Variants in ST6GAL1 observed in about 807,000 individuals in gnomAD.
ST6GAL1 encodes beta-galactoside alpha-2,6-sialyltransferase 1.
Under a neutral mutation model 38.0 loss-of-function variants are expected in ST6GAL1, and 20 were observed. That is an observed-to-expected ratio of 0.53 (90% CI 0.37 to 0.77). The LOEUF (loss-of-function observed/expected upper bound fraction) is 0.77. Ranked by LOEUF, ST6GAL1 falls within the 30% of genes least tolerant of loss-of-function variation. The pLI, the probability that ST6GAL1 is intolerant of heterozygous loss-of-function variation, is 0.00. For synonymous variants in ST6GAL1, 196 were observed against 188.2 expected (o/e 1.04, Z -0.34); for missense variants, 432 against 496.4 (o/e 0.87, Z 1.23).
intron 2 of ST6GAL1, among the ~76,000 whole-genome samples, chr3:187,028,723 C>T (rs257109): frequency 0.34 from 52,167 of 151,966 alleles, 9,367 homozygotes; most frequent in Middle Eastern, 0.44. Flanking sequence ...ATTATATCTG[C>T]GAAGCCATTT....
chr3:186,935,499 A>T (rs1270944225), intron 1 of ST6GAL1, among the ~76,000 whole-genome samples: 1 of 152,136 alleles, frequency 6.6e-6, no homozygotes, highest in African/African-American at 2.4e-5. Context: ...AACAATTTAT[A>T]TTCCTTCGGG....
chr3:187,048,813 T>C (rs908115435), intron 4 of ST6GAL1, among the ~76,000 whole-genome samples: 2 of 152,178 alleles, frequency 1.3e-5, no homozygotes, highest in Non-Finnish European at 1.5e-5. Flanking sequence ...GTGCTGGATG[T>C]TCTCCAGTGG....
chr3:186,947,028 G>C (rs1292701162), intron 1 of ST6GAL1, among the ~76,000 whole-genome samples: 1 of 152,174 alleles, frequency 6.6e-6, no homozygotes. Context: ...TCTGGCCTGG[G>C]GGCAGCAGGA....
chr3:186,960,431 A>G (rs1714894846), intron 1 of ST6GAL1, among the ~76,000 whole-genome samples: 1 of 152,186 alleles, frequency 6.6e-6, no homozygotes, highest in African/African-American at 2.4e-5. Context: ...CCTCGAGAGG[A>G]AAGTAGAGAG....
chr3:187,068,741 A>T (rs60135081), intron 5 of ST6GAL1, among the ~76,000 whole-genome samples: 49,119 of 151,954 alleles, frequency 0.32, 8,536 homozygotes, highest in African/African-American at 0.45. Context: ...GACATTTTTT[A>T]AAAATCCCAG....
chr3:186,959,804 T>C (rs1171365365), intron 1 of ST6GAL1, among the ~76,000 whole-genome samples: 1 of 152,238 alleles, frequency 6.6e-6, no homozygotes, highest in East Asian at 1.9e-4. Context: ...CAATAAAAGC[T>C]CTTAGCTTAT....
At chr3:187,027,033 A>G (rs535717145) in intron 2 of ST6GAL1, among the ~76,000 whole-genome samples, 1 of 152,218 alleles carries the variant, frequency 6.6e-6, no homozygotes, top group African/African-American at 2.4e-5. Context: ...TGGGCGACAG[A>G]GGGAGACTCT....
Position 187,033,226 on chromosome 3 carries a change from CA to C in ST6GAL1, c.-182-5514del, listed in dbSNP as rs570727309. Among the ~76,000 whole-genome samples the C allele has an allele frequency of 1.8e-4, 27 of 152,296 alleles. No individual in the cohort carries two copies. The South Asian group carries it at 5.6e-3, about 32-fold the overall frequency. On this transcript the variant is annotated intron_variant, in intron 2 of 7. Coordinates refer to ENST00000169298, the MANE Select transcript of ST6GAL1 (RefSeq NM_173216.2). ...GTCAGGAGTTGAAGACCAGCCTGGC[CA>C]ACATGGTGAAACCCCATCTCTACTA...
intron 3 of ST6GAL1, among the ~76,000 whole-genome samples, chr3:187,039,980 C>T (rs1035152544): frequency 5.9e-5 from 9 of 152,202 alleles, no homozygotes; most frequent in African/African-American, 2.2e-4. Flanking sequence ...CTCTTCTTTC[C>T]TGGGAAACCA....
intron 1 of ST6GAL1, among the ~76,000 whole-genome samples, chr3:186,941,386 A>G (rs1327112223): frequency 6.6e-6 from 1 of 152,154 alleles, no homozygotes; most frequent in Non-Finnish European, 1.5e-5. Flanking sequence ...CCCTCCAGAG[A>G]GTGATAAAAT....
intron 4 of ST6GAL1, among the ~76,000 whole-genome samples, chr3:187,046,826 C>T (rs568738038): frequency 6.6e-5 from 10 of 152,344 alleles, no homozygotes; most frequent in Middle Eastern, 3.4e-3. Context: ...CACAACTACT[C>T]AACTCTGCTG....
rs375558375 is a variant in ST6GAL1, at chr3:187,008,833, G to T, written c.-182-29909G>T. On this transcript the variant is annotated intron_variant, in intron 2 of 7. Transcript: ENST00000169298. ...AAGTCTTTTTTTTCTGTGAATATGC[G>T]TTTCTCTTTTTCTTTTTTGGTTTTT... is the stretch of plus-strand genomic sequence containing the variant. 3.3e-4 allele frequency among the ~76,000 whole-genome samples: 50 copies of T among 151,942 alleles called. 1 individual carries two copies. In the East Asian group the frequency reaches 7.7e-3, roughly 23 times the overall value.
intron 5 of ST6GAL1, chr3:187,072,375 ACTGTGTTGGCTG>A (rs1719413609): frequency 9.7e-6 from 2 of 205,486 alleles, no homozygotes; most frequent in South Asian, 1.7e-4. Flanking sequence ...GCTGTGTTGG[ACTGTGTTGGCTG>A]TGTTGGACTT....
In ST6GAL1 at chr3:186,936,590, C is replaced by T. The variant is rs1013670722; in HGVS notation, c.-325+5756C>T. 5.9e-5 allele frequency among the ~76,000 whole-genome samples: 9 copies of T among 152,232 alleles called. No homozygotes were observed. The East Asian group carries it at 1.7e-3, about 29-fold the overall frequency. On this transcript the variant is annotated intron_variant, in intron 1 of 7. Coordinates refer to ENST00000169298, the MANE Select transcript of ST6GAL1 (RefSeq NM_173216.2). ...TAAGTAATTATTACACCAGAAAGGT[C>T]AGGTTAGCCTTCAGAATCAATGTAG...
At chr3:186,939,367 C>G (rs948605118) in intron 1 of ST6GAL1, among the ~76,000 whole-genome samples, 2 of 152,116 alleles carry the variant, frequency 1.3e-5, no homozygotes, top group Non-Finnish European at 2.9e-5. Flanking sequence ...GCCACTGTGC[C>G]CAGCTTCCAA....
chr3:187,021,861 T>G (rs529254754), intron 2 of ST6GAL1: 1 of 152,210 alleles, frequency 6.6e-6, no homozygotes, highest in African/African-American at 2.4e-5. Flanking sequence ...GGGTGAACTT[T>G]CTGATAGCTT....
chr3:186,991,712 C>G (rs1716174226), intron 2 of ST6GAL1, among the ~76,000 whole-genome samples: 1 of 152,198 alleles, frequency 6.6e-6, no homozygotes, highest in Non-Finnish European at 1.5e-5. Flanking sequence ...TCATCCCATA[C>G]TGATCCTCTG....
At chr3:186,991,541 A>G (rs1472053378) in intron 2 of ST6GAL1, among the ~76,000 whole-genome samples, 1 of 152,068 alleles carries the variant, frequency 6.6e-6, no homozygotes, top group East Asian at 1.9e-4. Flanking sequence ...CCACACATTG[A>G]GTCAAAGGGT....
intron 1 of ST6GAL1, among the ~76,000 whole-genome samples, chr3:186,939,915 C>T (rs944142152): frequency 1.3e-5 from 2 of 152,180 alleles, no homozygotes; most frequent in African/African-American, 4.8e-5. Flanking sequence ...TCTCACACCC[C>T]ATCTATGGGA....
Sources: gnomAD v4.1 joint callset for allele counts (sites outside exome capture counted in the v4.1 genomes callset) on GRCh38, gnomAD v4.1.1 for gene constraint, MANE v1.5 for transcripts, NCBI Gene and HGNC (gene_info 2026-07-23, HGNC 2026-07-21) for gene names.